FAM163A: variants seen among roughly 807,000 people sequenced by gnomAD.
The protein encoded by FAM163A is protein FAM163A.
FAM163A carries 7 observed loss-of-function variants against 12.0 expected under a neutral mutation model. The observed-to-expected ratio is 0.58, with a 90% CI of 0.33 to 1.10. The LOEUF is 1.10. Ranked by LOEUF, FAM163A falls within the 50% of genes least tolerant of loss-of-function variation. FAM163A has a pLI of 0.03. For missense variants in FAM163A, 202 were observed against 218.6 expected (o/e 0.92, Z 0.48); for synonymous variants, 101 against 91.0 (o/e 1.11, Z -0.62).
At chr1:179,801,563 C>A (rs1351205578) in intron 1 of FAM163A, among the ~76,000 whole-genome samples, 1 of 152,208 alleles carries the variant, frequency 6.6e-6, no homozygotes, top group Non-Finnish European at 1.5e-5. Context: ...CCAGGTAATC[C>A]TCACCCTGTA....
intron 1 of FAM163A, among the ~76,000 whole-genome samples, chr1:179,769,405 G>C (rs111998807): frequency 1.4e-3 from 206 of 150,872 alleles, no homozygotes; most frequent in African/African-American, 4.9e-3. Context: ...CTCCTGCCTT[G>C]GCCTCCCAAA....
intron 1 of FAM163A, among the ~76,000 whole-genome samples, chr1:179,785,811 T>A (rs552584756): frequency 2.0e-5 from 3 of 152,350 alleles, no homozygotes; most frequent in Admixed American, 6.5e-5. Flanking sequence ...TCAGCAATAT[T>A]TGATAATATT....
At chr1:179,801,476 AC>A (rs1693166710) in intron 1 of FAM163A, among the ~76,000 whole-genome samples, 1 of 152,098 alleles carries the variant, frequency 6.6e-6, no homozygotes. Context: ...AACTGCAGGG[AC>A]CCTGAGGCTC....
At chr1:179,774,345 G>T (rs1688661175) in intron 1 of FAM163A, among the ~76,000 whole-genome samples, 3 of 152,224 alleles carry the variant, frequency 2.0e-5, no homozygotes, top group African/African-American at 7.2e-5. Flanking sequence ...GGGGTTACAG[G>T]TCCGGCCTTC....
chr1:179,745,331 T>C (rs1376458163), intron 1 of FAM163A, among the ~76,000 whole-genome samples: 1 of 150,620 alleles, frequency 6.6e-6, no homozygotes, highest in Admixed American at 6.6e-5. Context: ...GGCCCAAGAA[T>C]CTCTGTTTTT....
At chr1:179,758,085 C>T (rs781125298) in intron 1 of FAM163A, among the ~76,000 whole-genome samples, 2 of 152,140 alleles carry the variant, frequency 1.3e-5, no homozygotes, top group African/African-American at 4.8e-5. Flanking sequence ...GAGAATATCT[C>T]GAGGGTATAT....
At chr1:179,804,681 A>T (rs1693673830) in intron 1 of FAM163A, among the ~76,000 whole-genome samples, 1 of 152,240 alleles carries the variant, frequency 6.6e-6, no homozygotes, top group South Asian at 2.1e-4. Flanking sequence ...GGAGGCCATT[A>T]TTCTTAGCAA....
intron 1 of FAM163A, among the ~76,000 whole-genome samples, chr1:179,807,328 G>A (rs978044660): frequency 6.6e-6 from 1 of 152,146 alleles, no homozygotes; most frequent in African/African-American, 2.4e-5. Context: ...AAGGAAGTGT[G>A]CAGCCCGGGC....
chr1:179,746,180 C>G (rs956376305), intron 1 of FAM163A, among the ~76,000 whole-genome samples: 1 of 152,190 alleles, frequency 6.6e-6, no homozygotes, highest in South Asian at 2.1e-4. Flanking sequence ...ATTGGTACAA[C>G]TTTGGAGGGC....
intron 1 of FAM163A, among the ~76,000 whole-genome samples, chr1:179,780,892 A>G (rs1689629978): frequency 6.6e-6 from 1 of 152,198 alleles, no homozygotes; most frequent in Non-Finnish European, 1.5e-5. Context: ...GAGTGTTCTC[A>G]TCATTTTGGT....
At chr1:179,737,767 A>G in the FAM163A span, among the ~76,000 whole-genome samples, 2 of 152,066 alleles carry the variant, frequency 1.3e-5, no homozygotes, top group African/African-American at 4.8e-5. Flanking sequence ...CCTGGGAGGC[A>G]GAGCTTGCAG....
intron 1 of FAM163A, among the ~76,000 whole-genome samples, chr1:179,790,935 G>C (rs931885693): frequency 6.6e-6 from 1 of 152,114 alleles, no homozygotes; most frequent in Non-Finnish European, 1.5e-5. Flanking sequence ...GCCAACCAGG[G>C]AGAAAAGAAC....
At chr1:179,761,164 A>C (rs914174323) in intron 1 of FAM163A, among the ~76,000 whole-genome samples, 10 of 152,374 alleles carry the variant, frequency 6.6e-5, no homozygotes, top group Non-Finnish European at 1.5e-4. Flanking sequence ...AATCCTGGTA[A>C]GTGTATGTGC....
In FAM163A at chr1:179,788,120, C is replaced by T. The variant is rs553811067; in HGVS notation, c.-135-19678C>T. ...AATTTTGTCAACCACCACCTAATCA[C>T]TTCTCACAATGTGTAATCAGTGGCA... On this transcript the variant is annotated intron_variant, in intron 1 of 4. Coordinates refer to ENST00000341785, the MANE Select transcript of FAM163A (RefSeq NM_173509.3). Among the ~76,000 whole-genome samples the T allele has an allele frequency of 3.3e-5, 5 of 152,342 alleles. 1 individual carries two copies. In the South Asian group the frequency reaches 1.0e-3, roughly 32 times the overall value.
chr1:179,778,838 C>G (rs1689335437), intron 1 of FAM163A, among the ~76,000 whole-genome samples: 2 of 152,278 alleles, frequency 1.3e-5, no homozygotes, highest in East Asian at 3.9e-4. Context: ...TGCAACCCAC[C>G]TAGTAACAAT....
the FAM163A span, among the ~76,000 whole-genome samples, chr1:179,731,798 CA>C: frequency 1.3e-5 from 2 of 152,144 alleles, no homozygotes. Context: ...GTCATATTTG[CA>C]AAAGGCAAAT....
chr1:179,748,814 T>C (rs1684869269), intron 1 of FAM163A, among the ~76,000 whole-genome samples: 1 of 152,238 alleles, frequency 6.6e-6, no homozygotes, highest in Non-Finnish European at 1.5e-5. Flanking sequence ...GACAACAGGT[T>C]GGGCAAAGAC....
chr1:179,756,748 T>C (rs1557900617), intron 1 of FAM163A, among the ~76,000 whole-genome samples: 1 of 151,796 alleles, frequency 6.6e-6, no homozygotes, highest in African/African-American at 2.4e-5. Context: ...GTGGGGGAAG[T>C]GTGGAGTCAG....
intron 1 of FAM163A, among the ~76,000 whole-genome samples, chr1:179,768,132 CATA>C (rs1687758651): frequency 1.3e-5 from 2 of 152,194 alleles, no homozygotes; most frequent in East Asian, 1.9e-4. Flanking sequence ...TTTCATTTAG[CATA>C]ATGTCTGTCC....
Sources: gnomAD v4.1 joint callset for allele counts (sites outside exome capture counted in the v4.1 genomes callset) on GRCh38, gnomAD v4.1.1 for gene constraint, MANE v1.5 for transcripts, NCBI Gene and HGNC (gene_info 2026-07-23, HGNC 2026-07-21) for gene names.